Variants in NMNAT2 observed in about 807,000 individuals in gnomAD.
The protein encoded by NMNAT2 is nicotinamide nucleotide adenylyltransferase 2, also known as nicotinamide/nicotinic acid mononucleotide adenylyltransferase 2.
A neutral mutation model predicts 41.6 loss-of-function variants in NMNAT2; 11 were observed. The ratio of observed to expected loss-of-function variants is 0.26; its 90% CI spans 0.17 to 0.44. The LOEUF (loss-of-function observed/expected upper bound fraction) is 0.44, where lower values mean the gene tolerates loss of function less well. Ranked by LOEUF, NMNAT2 falls within the 20% of genes least tolerant of loss-of-function variation. The pLI, the probability that NMNAT2 is intolerant of heterozygous loss-of-function variation, is 1.00. For synonymous variants in NMNAT2, 148 were observed against 151.2 expected (o/e 0.98, Z 0.16); for missense variants, 288 against 407.7 (o/e 0.71, Z 2.53).
intron 3 of NMNAT2, among the ~76,000 whole-genome samples, chr1:183,292,459 G>C (rs2102309169): frequency 6.6e-6 from 1 of 152,366 alleles, no homozygotes; most frequent in Middle Eastern, 3.4e-3. Flanking sequence ...GGGAATGAAA[G>C]TGAGAGGCAT....
At chr1:183,405,423 A>G (rs972077600) in intron 1 of NMNAT2, among the ~76,000 whole-genome samples, 8 of 152,198 alleles carry the variant, frequency 5.3e-5, no homozygotes, top group African/African-American at 1.7e-4. Flanking sequence ...TATGTTTAGA[A>G]TTTTTCATAA....
At chr1:183,391,239 C>T (rs943384611) in intron 1 of NMNAT2, among the ~76,000 whole-genome samples, 1 of 152,194 alleles carries the variant, frequency 6.6e-6, no homozygotes, top group Admixed American at 6.5e-5. Flanking sequence ...CTCTCTATTT[C>T]ACTCAGGAAA....
chr1:183,325,612 T>A (rs1662445055), intron 1 of NMNAT2, among the ~76,000 whole-genome samples: 1 of 152,192 alleles, frequency 6.6e-6, no homozygotes, highest in Non-Finnish European at 1.5e-5. Flanking sequence ...TAAATAAAAC[T>A]CCCTTTCACC....
intron 6 of NMNAT2, 95 bp from the exon 7 acceptor site, chr1:183,284,134 A>G: frequency 7.4e-6 from 4 of 542,294 alleles, no homozygotes; most frequent in East Asian, 9.3e-5. Flanking sequence ...AATTATTGGG[A>G]TGGGGTGGGG....
intron 1 of NMNAT2, among the ~76,000 whole-genome samples, chr1:183,397,596 G>A (rs1191272235): frequency 3.3e-5 from 5 of 151,972 alleles, no homozygotes; most frequent in Admixed American, 6.6e-5. Flanking sequence ...ACAACCCCAA[G>A]ACACATAATT....
At chr1:183,343,048 C>A (rs971051536) in intron 1 of NMNAT2, among the ~76,000 whole-genome samples, 1 of 152,112 alleles carries the variant, frequency 6.6e-6, no homozygotes, top group East Asian at 1.9e-4. Flanking sequence ...GCCTCAAACT[C>A]ATTTTAACCA....
intron 4 of NMNAT2, 47 bp downstream of exon 4, chr1:183,290,081 C>T (rs1661499486): frequency 6.7e-7 from 1 of 1,482,242 alleles, no homozygotes. Context: ...CCCCTTCCGC[C>T]CTTGCACTCT....
At chr1:183,259,397 A>G (rs1166708633) in intron 10 of NMNAT2, among the ~76,000 whole-genome samples, 1 of 152,032 alleles carries the variant, frequency 6.6e-6, no homozygotes, top group Admixed American at 6.6e-5. Flanking sequence ...TCCTGGTCTC[A>G]TTTGATTTCT....
At chr1:183,295,926 G>A (rs1464664598) in intron 1 of NMNAT2, among the ~76,000 whole-genome samples, 1 of 152,114 alleles carries the variant, frequency 6.6e-6, no homozygotes, top group Non-Finnish European at 1.5e-5. Context: ...TCAGCTCACT[G>A]CAACCTCCGC....
chr1:183,358,827 T>C (rs1402321878), intron 1 of NMNAT2, among the ~76,000 whole-genome samples: 1 of 152,192 alleles, frequency 6.6e-6, no homozygotes, highest in African/African-American at 2.4e-5. Context: ...AGCAGTAAAC[T>C]GAAAGGTACA....
intron 1 of NMNAT2, among the ~76,000 whole-genome samples, chr1:183,404,579 G>A (rs935039843): frequency 6.6e-6 from 1 of 152,196 alleles, no homozygotes; most frequent in African/African-American, 2.4e-5. Flanking sequence ...GCTTTGAAGG[G>A]AAAGAGAACT....
intron 1 of NMNAT2, among the ~76,000 whole-genome samples, chr1:183,413,135 C>T (rs1273617240): frequency 6.6e-6 from 1 of 152,112 alleles, no homozygotes; most frequent in Non-Finnish European, 1.5e-5. Flanking sequence ...AATAAAGTGG[C>T]TTCATGATTA....
intron 8 of NMNAT2, among the ~76,000 whole-genome samples, chr1:183,270,476 C>G (rs1478149324): frequency 6.6e-6 from 1 of 151,704 alleles, no homozygotes; most frequent in Non-Finnish European, 1.5e-5. Flanking sequence ...GGGAGGAAAC[C>G]AGTAAGGTCA....
chr1:183,263,812 AC>A (rs1168038723), intron 8 of NMNAT2, among the ~76,000 whole-genome samples: 1 of 9,434 alleles, frequency 1.1e-4, no homozygotes, highest in Non-Finnish European at 6.6e-3. Context: ...TGTCTCAAAA[AC>A]AAAAACAAAC....
chr1:183,348,036 A>G (rs1390779244), intron 1 of NMNAT2, among the ~76,000 whole-genome samples: 2 of 151,208 alleles, frequency 1.3e-5, no homozygotes, highest in Non-Finnish European at 2.9e-5. Flanking sequence ...AACCCCTCCC[A>G]TTCATTTAGA....
At position 183,264,621 on chromosome 1, in the gene NMNAT2, G is replaced by A. The variant is rs530788030; in HGVS notation, c.652-3318C>T. Among the ~76,000 whole-genome samples, 14 of 152,280 alleles carry A rather than the reference G, an allele frequency of 9.2e-5. No homozygotes were observed. In the South Asian group the frequency reaches 1.5e-3, roughly 16 times the overall value. Reference sequence around the variant, plus strand: ...TCTGGGTCCCTTGCCCCCAAAGCACGCCTTGCTCAATGAACTGCGCTGCTT... The same window carrying A: ...TCTGGGTCCCTTGCCCCCAAAGCACACCTTGCTCAATGAACTGCGCTGCTT... On this transcript the variant is annotated intron_variant, in intron 8 of 10. Coordinates refer to ENST00000287713, the MANE Select transcript of NMNAT2 (RefSeq NM_015039.4).
chr1:183,401,115 G>A (rs184298191), intron 1 of NMNAT2, among the ~76,000 whole-genome samples: 1 of 152,300 alleles, frequency 6.6e-6, no homozygotes, highest in African/African-American at 2.4e-5. Context: ...ACTGCCATCA[G>A]AGTTAACAGG....
intron 1 of NMNAT2, among the ~76,000 whole-genome samples, chr1:183,397,440 G>A (rs1412190228): frequency 2.0e-5 from 3 of 152,174 alleles, no homozygotes; most frequent in Non-Finnish European, 2.9e-5. Flanking sequence ...TGTCTGACTG[G>A]TGTGCCTAAA....
intron 1 of NMNAT2, among the ~76,000 whole-genome samples, chr1:183,404,747 C>T (rs959002885): frequency 4.6e-5 from 7 of 152,192 alleles, no homozygotes; most frequent in Admixed American, 1.3e-4. Flanking sequence ...ATTGCCACCC[C>T]CGCTGTTGGT....
Sources: gnomAD v4.1 joint callset for allele counts (sites outside exome capture counted in the v4.1 genomes callset) on GRCh38, gnomAD v4.1.1 for gene constraint, MANE v1.5 for transcripts, NCBI Gene and HGNC (gene_info 2026-07-23, HGNC 2026-07-21) for gene names.